Variants in CCDC85C observed in about 807,000 individuals in gnomAD.
CCDC85C encodes coiled-coil domain-containing protein 85C.
A neutral mutation model predicts 38.3 loss-of-function variants in CCDC85C; 18 were observed. The ratio of observed to expected loss-of-function variants is 0.47; its 90% CI spans 0.33 to 0.70. The LOEUF is 0.70. Among genes scored for constraint, CCDC85C ranks in the 30% least tolerant of loss-of-function variants. The pLI is 0.03. For missense variants in CCDC85C, 566 were observed against 621.2 expected (o/e 0.91, Z 0.94); for synonymous variants, 264 against 293.8 (o/e 0.90, Z 1.04).
chr14:99,552,867 G>T (rs1398798624), intron 1 of CCDC85C, among the ~76,000 whole-genome samples: 1 of 152,236 alleles, frequency 6.6e-6, no homozygotes, highest in Non-Finnish European at 1.5e-5. Flanking sequence ...GGTGCTTCCT[G>T]CATGGCTCTT....
At chr14:99,595,828 C>T (rs2055136953) in intron 1 of CCDC85C, among the ~76,000 whole-genome samples, 1 of 152,232 alleles carries the variant, frequency 6.6e-6, no homozygotes, top group Non-Finnish European at 1.5e-5. Flanking sequence ...TTAGATGAAA[C>T]AGGGACCCCA....
chr14:99,525,824 C>T (rs1224502155), intron 2 of CCDC85C, among the ~76,000 whole-genome samples: 1 of 152,190 alleles, frequency 6.6e-6, no homozygotes, highest in Non-Finnish European at 1.5e-5. Context: ...GGAGGGGCCA[C>T]CTGGCGCGAC....
At position 99,558,920 on chromosome 14, in the gene CCDC85C, C is replaced by G. The variant is rs928469528; in HGVS notation, c.794-22832G>C. ...GGTTTCTGATGGTTTAGTGCCACCC[C>G]CTATTGCTGTTCTTGTGATACAGTT... On this transcript the variant is annotated intron_variant, in intron 1 of 5. Coordinates refer to ENST00000380243, the MANE Select transcript of CCDC85C (RefSeq NM_001144995.2). This position sits in a 1 kb window ranked among gnomAD's most constrained non-coding sequence, Gnocchi z 4.2. Among the ~76,000 whole-genome samples, 6 of 152,144 alleles carry G rather than the reference C, an allele frequency of 3.9e-5. No individual in the cohort carries two copies. Among genetic ancestry groups the G allele is most frequent in the Non-Finnish European group, 5.9e-5 (4 of 68,028 alleles).
In CCDC85C at chr14:99,603,291, G is replaced by C; in HGVS notation, c.669C>G (p.Val223=). The C allele has an allele frequency of 1.5e-6, 2 of 1,377,990 alleles. No individual in the cohort carries two copies. Among genetic ancestry groups the C allele is most frequent in the Non-Finnish European group, 1.9e-6 (2 of 1,070,660 alleles). The allele number at this position is 1,377,990 out of a possible 1,614,324, so 85.4% of individuals were successfully genotyped here. The change falls in exon 1 of 6, where the codon GTC becomes GTG. Residue 223 remains valine, a synonymous_variant. Coordinates refer to ENST00000380243, the MANE Select transcript of CCDC85C (RefSeq NM_001144995.2). The surrounding 1 kb of genome is among the most constrained non-coding windows in gnomAD (Gnocchi z 7.5). ...GCCCGGGGGGCAGCAGCGGGGGTGG[G>C]ACGTGGTGGTGGTGGTCGGGGCTGC... ...SGGSPDHHHH[V]PPPLLPPGPH...
At chr14:99,523,764 C>A (rs772400524) in intron 2 of CCDC85C, among the ~76,000 whole-genome samples, 12 of 145,488 alleles carry the variant, frequency 8.2e-5, no homozygotes, top group Non-Finnish European at 1.6e-4. Context: ...ATAACCCTGG[C>A]GAGCATCACA....
intron 1 of CCDC85C, among the ~76,000 whole-genome samples, chr14:99,559,345 T>C (rs1353241140): frequency 6.6e-6 from 1 of 152,170 alleles, no homozygotes; most frequent in Admixed American, 6.5e-5. Context: ...GATCGTTTGC[T>C]GTGGCTGCCA....
intron 1 of CCDC85C, among the ~76,000 whole-genome samples, chr14:99,578,711 G>A (rs927645029): frequency 1.5e-4 from 23 of 152,208 alleles, no homozygotes; most frequent in African/African-American, 5.3e-4. Context: ...GGCCGTTGGC[G>A]TGATGGTGAG....
At chr14:99,587,093 C>T (rs1336600321) in intron 1 of CCDC85C, among the ~76,000 whole-genome samples, 2 of 152,218 alleles carry the variant, frequency 1.3e-5, no homozygotes, top group Non-Finnish European at 2.9e-5. Context: ...TGGACAGCCT[C>T]TGCAAGGAGA....
At chr14:99,602,373 G>A (rs969912353) in intron 1 of CCDC85C, among the ~76,000 whole-genome samples, 22 of 152,312 alleles carry the variant, frequency 1.4e-4, no homozygotes, top group Non-Finnish European at 2.6e-4. Context: ...CCCTGGTCAC[G>A]GATGACCACG....
intron 1 of CCDC85C, among the ~76,000 whole-genome samples, chr14:99,582,636 T>C (rs1450149779): frequency 6.6e-6 from 1 of 152,006 alleles, no homozygotes; most frequent in Non-Finnish European, 1.5e-5. Context: ...GCCAACATGG[T>C]GAAACCCCCT....
intron 1 of CCDC85C, among the ~76,000 whole-genome samples, chr14:99,583,633 C>T (rs909820773): frequency 1.3e-5 from 2 of 151,532 alleles, no homozygotes; most frequent in African/African-American, 2.4e-5. Flanking sequence ...GGTAAAACCA[C>T]GTCTCTACTA....
rs2055239632 is a variant in CCDC85C, at chr14:99,603,825, G to T, written c.135C>A (p.Leu45=). 3 of 1,524,154 alleles carry T rather than the reference G, an allele frequency of 2.0e-6. No homozygotes were observed. Among genetic ancestry groups the T allele is most frequent in the Non-Finnish European group, 2.6e-6 (3 of 1,141,948 alleles). 94.4% of individuals were successfully genotyped at this position (1,524,154 alleles called of 1,614,324 possible). A position where few individuals can be genotyped will look rare whatever the true frequency, so the allele number is the denominator to read the frequency against. Reference sequence around the variant, plus strand: ...GCATCAGGCCGCCGTGCTCCAGCATGAGGCCCACCTTCTCGCCCTCGGCGC... The same window carrying T: ...GCATCAGGCCGCCGTGCTCCAGCATTAGGCCCACCTTCTCGCCCTCGGCGC... ...LRRAEGEKVG[L]MLEHGGLMRD... is the part of the protein sequence containing the mutation. The change falls in exon 1 of 6, where the codon CTC becomes CTA. Residue 45 remains leucine, a synonymous_variant. Coordinates refer to ENST00000380243, the MANE Select transcript of CCDC85C (RefSeq NM_001144995.2). This position sits in a 1 kb window ranked among gnomAD's most constrained non-coding sequence, Gnocchi z 7.5.
At chr14:99,557,717 C>T (rs980370558) in intron 1 of CCDC85C, among the ~76,000 whole-genome samples, 1 of 152,132 alleles carries the variant, frequency 6.6e-6, no homozygotes, top group Non-Finnish European at 1.5e-5. Flanking sequence ...GAGTTCGAGG[C>T]CAGCCTGGCC....
intron 1 of CCDC85C, among the ~76,000 whole-genome samples, chr14:99,595,391 C>A (rs988982962): frequency 3.9e-5 from 6 of 152,162 alleles, no homozygotes; most frequent in African/African-American, 1.4e-4. Flanking sequence ...GCATTACAGG[C>A]GCGTGCCACC....
chr14:99,578,717 G>A lies in CCDC85C; in HGVS notation c.793+24450C>T, dbSNP rs939248894. On this transcript the variant is annotated intron_variant, in intron 1 of 5. Coordinates refer to ENST00000380243, the MANE Select transcript of CCDC85C (RefSeq NM_001144995.2). Reference sequence around the variant, plus strand: ...CAGCTGCTGGGCCGTTGGCGTGATGGTGAGTTCATCACGTGTAATCGGGAG... The same window carrying A: ...CAGCTGCTGGGCCGTTGGCGTGATGATGAGTTCATCACGTGTAATCGGGAG... Among the ~76,000 whole-genome samples the A allele has an allele frequency of 2.0e-5, 3 of 152,220 alleles. No individual in the cohort carries two copies. In the East Asian group the frequency reaches 5.8e-4, roughly 29 times the overall value.
chr14:99,542,686 C>A (rs1326609094), intron 1 of CCDC85C, among the ~76,000 whole-genome samples: 3 of 152,244 alleles, frequency 2.0e-5, no homozygotes, highest in African/African-American at 7.2e-5. Flanking sequence ...AAGGGCCACA[C>A]TGGCCACACA....
At chr14:99,574,443 C>T (rs867402839) in intron 1 of CCDC85C, among the ~76,000 whole-genome samples, 14 of 152,124 alleles carry the variant, frequency 9.2e-5, no homozygotes, top group Admixed American at 4.6e-4. Context: ...TCCCCTCACC[C>T]TCCCACATGC....
chr14:99,550,917 G>A (rs997582907), intron 1 of CCDC85C, among the ~76,000 whole-genome samples: 13 of 152,160 alleles, frequency 8.5e-5, no homozygotes, highest in African/African-American at 2.4e-4. Flanking sequence ...GGTCCAGCTC[G>A]ACCAAGCTGC....
At chr14:99,573,245 AG>A (rs1898396306) in intron 1 of CCDC85C, among the ~76,000 whole-genome samples, 1 of 152,184 alleles carries the variant, frequency 6.6e-6, no homozygotes, top group Non-Finnish European at 1.5e-5. Context: ...TGCTCCCTGC[AG>A]GGGATTGAGC....
Sources: gnomAD v4.1 joint callset for allele counts (sites outside exome capture counted in the v4.1 genomes callset) on GRCh38, gnomAD v4.1.1 for gene constraint, Gnocchi (gnomAD v3.1) non-coding constraint, MANE v1.5 for transcripts, NCBI Gene and HGNC (gene_info 2026-07-23, HGNC 2026-07-21) for gene names.